Variants in OTOGL observed in about 807,000 individuals in gnomAD.
OTOGL encodes otogelin-like protein.
A neutral mutation model predicts 318.5 loss-of-function variants in OTOGL; 285 were observed. The ratio of observed to expected loss-of-function variants is 0.89; its 90% CI spans 0.81 to 0.99. OTOGL has a LOEUF of 0.99. Ranked by LOEUF, OTOGL falls within the 50% of genes least tolerant of loss-of-function variation. The pLI is 0.00. For synonymous variants in OTOGL, 987 were observed against 936.5 expected, an observed-to-expected ratio of 1.05 and a Z score of -0.99; for missense variants, 2,899 against 2,845.6, an observed-to-expected ratio of 1.02 and a Z score of -0.43.
intron 1 of OTOGL, among the ~76,000 whole-genome samples, chr12:80,119,868 A>T (rs1870385830): frequency 6.6e-6 from 1 of 152,172 alleles, no homozygotes; most frequent in Non-Finnish European, 1.5e-5. Flanking sequence ...CAATTCAGGG[A>T]CTACTGAATA....
chr12:80,120,819 C>G (rs1460851399), intron 1 of OTOGL, among the ~76,000 whole-genome samples: 1 of 152,116 alleles, frequency 6.6e-6, no homozygotes, highest in Non-Finnish European at 1.5e-5. Flanking sequence ...CTATCTCTAC[C>G]CCTGTAGTAG....
intron 1 of OTOGL, among the ~76,000 whole-genome samples, chr12:80,114,050 G>A (rs536954688): frequency 6.6e-6 from 1 of 152,088 alleles, no homozygotes. Flanking sequence ...ACACCGATGG[G>A]TCTTGACTCT....
At chr12:80,239,904 T>C (rs1046811969) in intron 11 of OTOGL, among the ~76,000 whole-genome samples, 10 of 146,940 alleles carry the variant, frequency 6.8e-5, no homozygotes, top group Admixed American at 1.4e-4. Flanking sequence ...TCCTGGACTC[T>C]GGTAACCACC....
At chr12:80,150,369 A>C (rs1414874546) in intron 1 of OTOGL, among the ~76,000 whole-genome samples, 1 of 152,246 alleles carries the variant, frequency 6.6e-6, no homozygotes, top group Non-Finnish European at 1.5e-5. Flanking sequence ...AAAAATGAAA[A>C]GATAAAGCTG....
chr12:80,224,523 A>G (rs945333117), intron 7 of OTOGL, among the ~76,000 whole-genome samples: 3 of 152,088 alleles, frequency 2.0e-5, no homozygotes, highest in Non-Finnish European at 4.4e-5. Flanking sequence ...TCATTTTCAC[A>G]ATATTGATTC....
At chr12:80,289,114 C>T (rs1244153357) in intron 26 of OTOGL, among the ~76,000 whole-genome samples, 1 of 152,142 alleles carries the variant, frequency 6.6e-6, no homozygotes. Flanking sequence ...GATGTTATCA[C>T]TTTCTTTTTG....
At position 80,358,790 on chromosome 12, in the gene OTOGL, T is replaced by C; in HGVS notation, c.6226+15T>C. On this transcript the variant is annotated intron_variant, in intron 51 of 58. Coordinates refer to ENST00000547103, the MANE Select transcript of OTOGL (RefSeq NM_001378609.3). ...ATGGCACTGTGGTAACTAATTTTCATATTTTAAGGTTTCATTATAATAAGT... is the reference window on the plus strand; with the variant it reads ...ATGGCACTGTGGTAACTAATTTTCACATTTTAAGGTTTCATTATAATAAGT... 6.3e-7 allele frequency: 1 copy of C among 1,586,792 alleles called. No homozygotes were observed. Among genetic ancestry groups the C allele is most frequent in the South Asian group, 1.1e-5 (1 of 88,962 alleles).
In OTOGL at chr12:80,336,446, T is replaced by G. The variant is rs780468991; in HGVS notation, c.4634T>G (p.Ile1545Ser). Residue 1545 changes from isoleucine (I) to serine (S), a missense_variant, in exon 40 of 59, where the codon ATT becomes AGT. Ile to Ser is a moderately radical substitution (Grantham distance 142). Coordinates refer to ENST00000547103, the MANE Select transcript of OTOGL (RefSeq NM_001378609.3). ...RCSMLSELSIITFDGNNAALY... is the reference protein window; with the variant it reads ...RCSMLSELSISTFDGNNAALY... ...TCCATGTTGTCAGAACTGAGCATTA[T>G]TACATTTGATGGAAACAACGCAGCA... 30 of 1,609,320 alleles carry G rather than the reference T, an allele frequency of 1.9e-5. No individual in the cohort carries two copies. The highest frequency in any genetic ancestry group is 8.5e-7 in the Non-Finnish European group (1 of 1,177,566).
chr12:80,250,211 A>G (rs2137492453), intron 11 of OTOGL, among the ~76,000 whole-genome samples: 1 of 152,256 alleles, frequency 6.6e-6, no homozygotes, highest in African/African-American at 2.4e-5. Flanking sequence ...AGATTCTTTA[A>G]TACCCATTTT....
chr12:80,295,990 T>C (rs891495227), intron 26 of OTOGL, among the ~76,000 whole-genome samples: 2 of 152,090 alleles, frequency 1.3e-5, no homozygotes, highest in African/African-American at 2.4e-5. Flanking sequence ...AAGAGTGACT[T>C]AGTGGATGCA....
At chr12:80,157,645 G>T (rs1009469371) in intron 1 of OTOGL, among the ~76,000 whole-genome samples, 2 of 152,092 alleles carry the variant, frequency 1.3e-5, no homozygotes, top group African/African-American at 4.8e-5. Flanking sequence ...TCTTCATATG[G>T]ATATCCAGTT....
chr12:80,343,527 T>TTTC (rs1888960219), intron 44 of OTOGL: 2 of 117,442 alleles, frequency 1.7e-5, no homozygotes, highest in African/African-American at 9.2e-5. Flanking sequence ...TTTTTTTTTT[T>TTTC]TTTTTTTTTA....
In OTOGL at chr12:80,139,567, T is replaced by C. The variant is rs1180800109; in HGVS notation, c.-20+39962T>C. ...TTTCTTTGATCCACTAAGTTTTTGT[T>C]GTTTGTTTGTTTGATGGTTTTTGTC... is the stretch of plus-strand genomic sequence containing the variant. On this transcript the variant is annotated intron_variant, in intron 1 of 58. Transcript: ENST00000547103. Among the ~76,000 whole-genome samples, 3 of 152,170 alleles carry C rather than the reference T, an allele frequency of 2.0e-5. No individual in the cohort carries two copies. The East Asian group carries it at 5.8e-4, about 29-fold the overall frequency.
chr12:80,108,862 A>ATATATGTG (rs1869641885), intron 1 of OTOGL, among the ~76,000 whole-genome samples: 2 of 117,906 alleles, frequency 1.7e-5, no homozygotes, highest in Middle Eastern at 4.3e-3. Flanking sequence ...ATATATGTGT[A>ATATATGTG]TATATATGTG....
At chr12:80,134,179 C>T (rs962763748) in intron 1 of OTOGL, among the ~76,000 whole-genome samples, 6 of 152,180 alleles carry the variant, frequency 3.9e-5, no homozygotes, top group Non-Finnish European at 7.3e-5. Context: ...TTCCTCTCTC[C>T]CCATTTTATG....
At chr12:80,100,128 T>A (rs960126846) in intron 1 of OTOGL, among the ~76,000 whole-genome samples, 5 of 152,198 alleles carry the variant, frequency 3.3e-5, no homozygotes, top group Non-Finnish European at 7.3e-5. Context: ...ATTGGCAGGT[T>A]TTATAGGTTG....
chr12:80,336,641 G>A (rs906513488), intron 40 of OTOGL, 86 bp downstream of exon 40: 19 of 1,475,954 alleles, frequency 1.3e-5, no homozygotes, highest in Non-Finnish European at 1.7e-5. Flanking sequence ...CACAGGAGGA[G>A]GGAGCTCAAG....
intron 44 of OTOGL, among the ~76,000 whole-genome samples, chr12:80,343,331 C>T (rs1410067510): frequency 6.6e-6 from 1 of 151,972 alleles, no homozygotes; most frequent in Non-Finnish European, 1.5e-5. Context: ...GCCCAAGTCC[C>T]TTTATAAAAT....
intron 43 of OTOGL, 29 bp downstream of exon 43, chr12:80,339,293 CGTCT>C: frequency 5.7e-6 from 3 of 527,480 alleles, no homozygotes; most frequent in Non-Finnish European, 5.7e-6. Context: ...ATCTTGATTT[CGTCT>C]GTTTTTTTTT....
Sources: allele counts gnomAD v4.1 joint callset (sites outside exome capture counted in the v4.1 genomes callset), GRCh38; gene constraint gnomAD v4.1.1; transcripts MANE v1.5; gene names NCBI Gene and HGNC (gene_info 2026-07-23, HGNC 2026-07-21).